Variants in DCAF6 observed in about 807,000 individuals in gnomAD.
The protein encoded by DCAF6 is DDB1 and CUL4 associated factor 6.
Under a neutral mutation model 125.1 loss-of-function variants are expected in DCAF6, and 54 were observed. The ratio of observed to expected loss-of-function variants is 0.43; its 90% CI spans 0.35 to 0.54. The LOEUF is 0.54. Ranked by LOEUF, DCAF6 falls within the 20% of genes least tolerant of loss-of-function variation. The probability of loss-of-function intolerance (pLI) is 0.01; values close to 1 mark genes in which losing one functional copy is unlikely to be tolerated. For synonymous variants in DCAF6, 371 were observed against 390.4 expected, an observed-to-expected ratio of 0.95 and a Z score of 0.58; for missense variants, 934 against 1,161.7, an observed-to-expected ratio of 0.80 and a Z score of 2.85.
rs142891503 is a variant in DCAF6, at chr1:168,066,438, G to A, written c.2658G>A (p.Arg886=). 497 of 1,609,678 alleles carry A rather than the reference G, an allele frequency of 3.1e-4. No individual in the cohort carries two copies. Among genetic ancestry groups the A allele is most frequent in the Non-Finnish European group, 4.0e-4 (474 of 1,177,274 alleles). The stretch of plus-strand genomic sequence containing the variant: ...TCTGGTCACCATTAGAAGAGTCAAG[G>A]ATTTTTAACCGAAAACTTGCTGATG... ...IKIWSPLEES[R]IFNRKLADEV... Residue 886 remains arginine, a synonymous_variant, in exon 20 of 22, where the codon AGG becomes AGA. Transcript: ENST00000367840.
chr1:167,938,682 C>T (rs1671744675), intron 1 of DCAF6, among the ~76,000 whole-genome samples: 1 of 152,186 alleles, frequency 6.6e-6, no homozygotes, highest in Non-Finnish European at 1.5e-5. Flanking sequence ...CATTGTTTTG[C>T]ATGGATACAT....
At chr1:167,884,692 TA>T in the DCAF6 span, among the ~76,000 whole-genome samples, 14 of 142,720 alleles carry the variant, frequency 9.8e-5, no homozygotes, top group African/African-American at 3.7e-4. Context: ...TCAATCATTT[TA>T]ATTTTTTTTT....
chr1:167,942,746 A>T (rs192851516), intron 1 of DCAF6, among the ~76,000 whole-genome samples: 6 of 152,278 alleles, frequency 3.9e-5, no homozygotes, highest in Admixed American at 2.0e-4. Flanking sequence ...TTCTTTGCAT[A>T]TTAATGTGCA....
chr1:167,993,175 T>C (rs973718958), intron 6 of DCAF6, 51 bp from the exon 7 acceptor site: 2 of 1,473,134 alleles, frequency 1.4e-6, no homozygotes. Flanking sequence ...TTAAAAAATG[T>C]TTTTCTTTAA....
the DCAF6 span, chr1:167,896,548 C>G: frequency 2.8e-6 from 4 of 1,448,944 alleles, no homozygotes; most frequent in Admixed American, 6.7e-5. Context: ...TAAGACCCTA[C>G]TGACCACTGG....
chr1:167,884,971 C>T, the DCAF6 span, among the ~76,000 whole-genome samples: 1 of 152,180 alleles, frequency 6.6e-6, no homozygotes, highest in African/African-American at 2.4e-5. Context: ...GCTGGGATTA[C>T]AGGCATGAGC....
the DCAF6 span, among the ~76,000 whole-genome samples, chr1:167,925,654 C>A: frequency 2.7e-5 from 4 of 149,258 alleles, no homozygotes. Context: ...TCAAGTGATT[C>A]TCTTGCCTTA....
At chr1:167,880,350 A>G in the DCAF6 span, 1 of 948,904 alleles carries the variant, frequency 1.1e-6, no homozygotes, top group Non-Finnish European at 1.7e-6. Flanking sequence ...TGGCCCGGAG[A>G]TGCGAAGGAG....
At chr1:168,062,116 T>G (rs1328924965) in intron 17 of DCAF6, among the ~76,000 whole-genome samples, 2 of 152,158 alleles carry the variant, frequency 1.3e-5, no homozygotes, top group African/African-American at 4.8e-5. Flanking sequence ...GGGTGAATCT[T>G]ACAAACATAA....
chr1:167,905,225 A>C, the DCAF6 span: 3 of 1,423,372 alleles, frequency 2.1e-6, no homozygotes, highest in South Asian at 1.2e-5. Context: ...AATAGAGGAA[A>C]TCTGATATAT....
At chr1:168,058,841 A>G (rs1055839757) in intron 17 of DCAF6, among the ~76,000 whole-genome samples, 1 of 152,198 alleles carries the variant, frequency 6.6e-6, no homozygotes, top group East Asian at 1.9e-4. Context: ...AAGTGCTGGA[A>G]TTACAGGCAT....
intron 1 of DCAF6, among the ~76,000 whole-genome samples, chr1:167,946,145 C>G (rs1673052431): frequency 6.6e-6 from 1 of 151,942 alleles, no homozygotes; most frequent in South Asian, 2.1e-4. Context: ...TTAGTAGAGA[C>G]AGGGTTTCAC....
upstream of DCAF6, among the ~76,000 whole-genome samples, chr1:167,935,154 T>C (rs1438788574): frequency 6.6e-6 from 1 of 152,126 alleles, no homozygotes; most frequent in Non-Finnish European, 1.5e-5. Context: ...GGGTAGAGCT[T>C]GTTCAACAAT....
rs1310454068 is a variant in DCAF6 at position 168,075,294 on chromosome 1, A to G, written c.2792-77A>G. Reference sequence around the variant, plus strand: ...AACTGATTTTTAATGCGTTTTAAATAAAAGGCATTGAAAAATATTAATAAT... The same window carrying G: ...AACTGATTTTTAATGCGTTTTAAATGAAAGGCATTGAAAAATATTAATAAT... On this transcript the variant is annotated intron_variant, in intron 21 of 21. Transcript: ENST00000367840. 3 of 1,345,748 alleles carry G rather than the reference A, an allele frequency of 2.2e-6. No individual in the cohort carries two copies. The African/African-American group carries it at 4.5e-5, about 20-fold the overall frequency. The allele number at this position is 1,345,748 out of a possible 1,614,324, so 83.4% of individuals were successfully genotyped here. A position where few individuals can be genotyped will look rare whatever the true frequency, so the allele number is the denominator to read the frequency against.
the DCAF6 span, chr1:167,883,731 T>C: frequency 4.8e-6 from 5 of 1,037,086 alleles, no homozygotes; most frequent in Admixed American, 3.7e-5. Flanking sequence ...AATGTCTACC[T>C]CAGAATGGGT....
chr1:167,938,443 C>T (rs1671692873), intron 1 of DCAF6, among the ~76,000 whole-genome samples: 1 of 152,190 alleles, frequency 6.6e-6, no homozygotes, highest in Middle Eastern at 3.2e-3. Flanking sequence ...CTCAACCTTT[C>T]TTCTTTAAGT....
At chr1:167,934,879 G>A (rs1671033450), upstream of DCAF6, among the ~76,000 whole-genome samples, 1 of 151,932 alleles carries the variant, frequency 6.6e-6, no homozygotes, top group African/African-American at 2.4e-5. Context: ...TATAGAAGAG[G>A]TAACAGAATT....
chr1:167,886,192 A>G, the DCAF6 span, among the ~76,000 whole-genome samples: 1 of 152,318 alleles, frequency 6.6e-6, no homozygotes, highest in African/African-American at 2.4e-5. Context: ...AATTGGAAAA[A>G]TCTACTTTAA....
At chr1:167,968,532 A>T (rs1304303182) in intron 3 of DCAF6, 2 of 152,316 alleles carry the variant, frequency 1.3e-5, no homozygotes, top group Admixed American at 6.5e-5. Flanking sequence ...TTCTCATCAG[A>T]GGTAGTATGC....
Sources: allele counts gnomAD v4.1 joint callset (sites outside exome capture counted in the v4.1 genomes callset), GRCh38; gene constraint gnomAD v4.1.1; transcripts MANE v1.5; gene names NCBI Gene and HGNC (gene_info 2026-07-23, HGNC 2026-07-21).